SHISA9: variants seen among roughly 807,000 people sequenced by gnomAD.
SHISA9 encodes shisa family member 9.
Under a neutral mutation model 38.0 loss-of-function variants are expected in SHISA9, and 13 were observed. The ratio of observed to expected loss-of-function variants is 0.34; its 90% CI spans 0.22 to 0.54. The LOEUF (loss-of-function observed/expected upper bound fraction) is 0.54. Among genes scored for constraint, SHISA9 ranks in the 20% least tolerant of loss-of-function variants. The pLI, the probability that SHISA9 is intolerant of heterozygous loss-of-function variation, is 0.91. For synonymous variants in SHISA9, 275 were observed against 242.0 expected, an observed-to-expected ratio of 1.14 and a Z score of -1.27; for missense variants, 538 against 575.8, an observed-to-expected ratio of 0.93 and a Z score of 0.67.
At chr16:12,959,661 T>A (rs939117728) in intron 2 of SHISA9, among the ~76,000 whole-genome samples, 1 of 152,188 alleles carries the variant, frequency 6.6e-6, no homozygotes, top group Non-Finnish European at 1.5e-5. Flanking sequence ...CATCATTTCA[T>A]TCAGCTCCAT....
chr16:13,146,258 T>C (rs1278733046), intron 2 of SHISA9, among the ~76,000 whole-genome samples: 1 of 152,218 alleles, frequency 6.6e-6, no homozygotes, highest in African/African-American at 2.4e-5. Flanking sequence ...GGTCTCAGCC[T>C]AATGGACTAG....
intron 4 of SHISA9, among the ~76,000 whole-genome samples, chr16:13,230,228 C>A (rs2051318492): frequency 6.6e-6 from 1 of 152,154 alleles, no homozygotes; most frequent in African/African-American, 2.4e-5. Context: ...CTTCATATTT[C>A]AAGTGTCCAG....
intron 2 of SHISA9, among the ~76,000 whole-genome samples, chr16:13,106,632 C>T (rs1380701748): frequency 1.3e-5 from 2 of 152,144 alleles, no homozygotes; most frequent in Non-Finnish European, 2.9e-5. Context: ...CCTTCAGCAG[C>T]CTGGCCAATC....
the SHISA9 span, among the ~76,000 whole-genome samples, chr16:13,479,909 G>GAC: frequency 6.6e-6 from 1 of 152,232 alleles, no homozygotes; most frequent in Non-Finnish European, 1.5e-5. Flanking sequence ...TCAGAAGATA[G>GAC]AATAGCGTCT....
chr16:13,235,047 G>A lies in SHISA9; in HGVS notation c.913G>A (p.Asp305Asn), dbSNP rs2051368180. 2 of 1,546,054 alleles carry A rather than the reference G, an allele frequency of 1.3e-6. No homozygotes were observed. Among genetic ancestry groups the A allele is most frequent in the Non-Finnish European group, 1.7e-6 (2 of 1,143,662 alleles). ...ATGTGTAGCTGACAAGGTCAATGAC[G>A]ACTTCTACACCAAGCGACGGCACCT... is the stretch of plus-strand genomic sequence containing the variant. ...KSPKADKVND[D>N]FYTKRRHLAE... Residue 305 changes from aspartate to asparagine, a missense_variant, in exon 5 of 5, where the codon GAC becomes AAC. Asp to Asn is a conservative substitution (Grantham distance 23). Around this residue, in one of 4 missense-constraint regions of SHISA9, gnomAD observed 326 missense variants for 305.9 expected, o/e 1.07. Transcript: ENST00000558583.
intron 2 of SHISA9, among the ~76,000 whole-genome samples, chr16:12,995,847 A>G (rs528418160): frequency 2.6e-5 from 4 of 152,320 alleles, no homozygotes; most frequent in African/African-American, 9.6e-5. Context: ...TGCGTGTACG[A>G]AAGTCTTGAA....
the SHISA9 span, among the ~76,000 whole-genome samples, chr16:13,545,494 A>C: frequency 6.6e-6 from 1 of 152,190 alleles, no homozygotes; most frequent in Admixed American, 6.5e-5. Flanking sequence ...TGCCCCTGGC[A>C]ACAGACACAG....
At chr16:12,947,907 G>A (rs2071707973) in intron 2 of SHISA9, among the ~76,000 whole-genome samples, 1 of 152,180 alleles carries the variant, frequency 6.6e-6, no homozygotes, top group Admixed American at 6.5e-5. Flanking sequence ...GGGTTCTGTT[G>A]CCAAACCTGG....
At chr16:13,118,301 C>T (rs1276552694) in intron 2 of SHISA9, among the ~76,000 whole-genome samples, 1 of 151,618 alleles carries the variant, frequency 6.6e-6, no homozygotes, top group Admixed American at 6.6e-5. Flanking sequence ...GGCAACCTGA[C>T]AGGGAGGTAT....
the SHISA9 span, among the ~76,000 whole-genome samples, chr16:13,426,684 A>G: frequency 1.3e-5 from 2 of 152,242 alleles, no homozygotes; most frequent in Admixed American, 6.5e-5. Flanking sequence ...CCACATGGCT[A>G]ACTTAATAAA....
intron 2 of SHISA9, chr16:13,203,092 C>A (rs2051021800): frequency 4.6e-6 from 1 of 218,644 alleles, no homozygotes; most frequent in African/African-American, 2.3e-5. Flanking sequence ...TCTTTTTATA[C>A]AAATATCATT....
chr16:12,974,506 T>TTTTTTTTTTTTTTTC (rs2072129641), intron 2 of SHISA9, among the ~76,000 whole-genome samples: 1 of 105,586 alleles, frequency 9.5e-6, no homozygotes, highest in African/African-American at 3.4e-5. Context: ...TTTTTTTTTT[T>TTTTTTTTTTTTTTTC]CCGGAGTTTC....
intron 2 of SHISA9, among the ~76,000 whole-genome samples, chr16:13,048,517 G>A (rs919457963): frequency 6.6e-6 from 1 of 152,144 alleles, no homozygotes; most frequent in Non-Finnish European, 1.5e-5. Context: ...CACCTCCCAG[G>A]TTCAAGTGAT....
At chr16:13,132,209 TTG>T (rs2050312148) in intron 2 of SHISA9, among the ~76,000 whole-genome samples, 2 of 152,076 alleles carry the variant, frequency 1.3e-5, no homozygotes, top group Non-Finnish European at 2.9e-5. Flanking sequence ...CTGGGTGACT[TTG>T]TGTGTCTTAG....
intron 2 of SHISA9, among the ~76,000 whole-genome samples, chr16:12,942,160 C>A (rs2071620195): frequency 6.6e-6 from 1 of 152,168 alleles, no homozygotes; most frequent in South Asian, 2.1e-4. Context: ...GAGGACAGTT[C>A]TTGACATCTG....
At chr16:12,988,133 C>G (rs575386100) in intron 2 of SHISA9, among the ~76,000 whole-genome samples, 22 of 152,264 alleles carry the variant, frequency 1.4e-4, no homozygotes, top group Non-Finnish European at 2.6e-4. Flanking sequence ...ACTCCTGTGT[C>G]TCTAGGCTCC....
At chr16:13,428,976 A>AG in the SHISA9 span, among the ~76,000 whole-genome samples, 1 of 152,080 alleles carries the variant, frequency 6.6e-6, no homozygotes, top group Non-Finnish European at 1.5e-5. Flanking sequence ...TATGTTGACC[A>AG]GGCTGATCTC....
the SHISA9 span, among the ~76,000 whole-genome samples, chr16:13,424,150 G>A: frequency 6.6e-6 from 1 of 152,322 alleles, no homozygotes; most frequent in African/African-American, 2.4e-5. Context: ...AGGAATTGTG[G>A]AGGGTCTCTT....
the SHISA9 span, among the ~76,000 whole-genome samples, chr16:13,399,538 A>G: frequency 1.1e-4 from 17 of 151,930 alleles, no homozygotes; most frequent in Non-Finnish European, 1.9e-4. Context: ...AGACCGGTCC[A>G]CTCATGTTCT....
Sources: gnomAD v4.1 joint callset for allele counts (sites outside exome capture counted in the v4.1 genomes callset) on GRCh38, gnomAD v4.1.1 for gene constraint, gnomAD v4.1.1 regional missense constraint, MANE v1.5 for transcripts, NCBI Gene and HGNC (gene_info 2026-07-23, HGNC 2026-07-21) for gene names.